Variants in FHIT observed in about 807,000 individuals in gnomAD.
FHIT encodes fragile histidine triad diadenosine triphosphatase.
Under a neutral mutation model 17.9 loss-of-function variants are expected in FHIT, and 19 were observed. The ratio of observed to expected loss-of-function variants is 1.06; its 90% CI spans 0.74 to 1.56. The LOEUF is 1.56. Ranked by LOEUF, FHIT falls within the 40% of genes most tolerant of loss-of-function variation. The pLI, the probability that FHIT is intolerant of heterozygous loss-of-function variation, is 0.00. For synonymous variants in FHIT, 81 were observed against 69.7 expected (o/e 1.16, Z -0.81); for missense variants, 248 against 189.2 (o/e 1.31, Z -1.82).
At chr3:60,295,186 G>A (rs1708153947) in intron 5 of FHIT, among the ~76,000 whole-genome samples, 1 of 152,056 alleles carries the variant, frequency 6.6e-6, no homozygotes, top group African/African-American at 2.4e-5. Context: ...GGAGTTTGAG[G>A]CTACAGTGGG....
chr3:60,370,990 A>T (rs570863792), intron 5 of FHIT, among the ~76,000 whole-genome samples: 1 of 152,216 alleles, frequency 6.6e-6, no homozygotes, highest in Non-Finnish European at 1.5e-5. Flanking sequence ...AAACCAGTTG[A>T]AATTGCTTGG....
In FHIT at chr3:60,084,846, C is replaced by CT. The variant is rs113455271; in HGVS notation, c.104-70695dup. On this transcript the variant is annotated intron_variant, in intron 5 of 9. Transcript: ENST00000492590. ...CCTTGGCTTTCTACATTGATAGTGACTTTTTTTTTTCTTTTTCACACTCTT... is the reference window on the plus strand; with the variant it reads ...CCTTGGCTTTCTACATTGATAGTGACTTTTTTTTTTTCTTTTTCACACTCTT... 1.2e-3 allele frequency among the ~76,000 whole-genome samples: 185 copies of CT among 149,896 alleles called. 1 individual carries two copies. Among genetic ancestry groups the CT allele is most frequent in the African/African-American group, 3.4e-3 (140 of 40,894 alleles).
At chr3:60,875,552 A>G in intron 3 of FHIT, among the ~76,000 whole-genome samples, 1 of 152,164 alleles carries the variant, frequency 6.6e-6, no homozygotes, top group East Asian at 1.9e-4. Context: ...TTTTTCACAT[A>G]TCATGAAAGT....
rs369216075 is a variant in FHIT at position 60,272,928 on chromosome 3, G to A, written c.104-258776C>T. 6.5e-4 allele frequency among the ~76,000 whole-genome samples: 99 copies of A among 152,312 alleles called. 1 individual carries two copies. The highest frequency in any genetic ancestry group is 6.8e-3 in the Middle Eastern group (2 of 294). ...GGCCTCCCTTGAGTTGGTCCTTGAA[G>A]GTGCTATCAAATTAACGTATGTCTA... On this transcript the variant is annotated intron_variant, in intron 5 of 9. Transcript: ENST00000492590.
chr3:60,431,274 G>A lies in FHIT; in HGVS notation c.103+105586C>T, dbSNP rs189720639. Among the ~76,000 whole-genome samples, 9 of 151,244 alleles carry A rather than the reference G, an allele frequency of 6.0e-5. No individual in the cohort carries two copies. The East Asian group carries it at 1.2e-3, about 20-fold the overall frequency. ...TCTATCCCTTACATGCAACATTCTT[G>A]CTCCATCATTTCTTTTTATGATGTT... On this transcript the variant is annotated intron_variant, in intron 5 of 9. Coordinates refer to ENST00000492590, the MANE Select transcript of FHIT (RefSeq NM_002012.4).
chr3:60,365,909 A>G lies in FHIT; in HGVS notation c.103+170951T>C, dbSNP rs776024231. On this transcript the variant is annotated intron_variant, in intron 5 of 9. Transcript: ENST00000492590. ...GATTAACAAACAGCTTGATCCATGC[A>G]GCATGTAACATTCATAGATGCTAAT... Among the ~76,000 whole-genome samples, 26 of 152,234 alleles carry G rather than the reference A, an allele frequency of 1.7e-4. 1 individual carries two copies. Among genetic ancestry groups the G allele is most frequent in the Admixed American group, 3.9e-4 (6 of 15,286 alleles).
chr3:61,012,245 C>T (rs541597072), intron 3 of FHIT, among the ~76,000 whole-genome samples: 92 of 152,102 alleles, frequency 6.0e-4, no homozygotes, highest in Non-Finnish European at 1.2e-3. Flanking sequence ...AATTAATGGG[C>T]ATTTGAGAAG....
chr3:60,030,440 A>T (rs9816955), intron 5 of FHIT, among the ~76,000 whole-genome samples: 1 of 152,110 alleles, frequency 6.6e-6, no homozygotes, highest in East Asian at 1.9e-4. Context: ...AGACCAGCAT[A>T]TGGAGCCCAG....
At chr3:60,358,458 A>C (rs6804914) in intron 5 of FHIT, among the ~76,000 whole-genome samples, 6,338 of 152,274 alleles carry the variant, frequency 0.042, 345 homozygotes, top group African/African-American at 0.13. Context: ...ATTCCTTCTG[A>C]ATTTGGCACA....
At chr3:60,129,369 A>C (rs1028384081) in intron 5 of FHIT, among the ~76,000 whole-genome samples, 2 of 152,008 alleles carry the variant, frequency 1.3e-5, no homozygotes, top group Admixed American at 1.3e-4. Flanking sequence ...AAAGCACATC[A>C]ATTTACATTT....
At chr3:60,055,006 G>C (rs1432356502) in intron 5 of FHIT, among the ~76,000 whole-genome samples, 1 of 152,094 alleles carries the variant, frequency 6.6e-6, no homozygotes, top group Admixed American at 6.6e-5. Context: ...TTTGTCTAGA[G>C]AGGACAGTTG....
chr3:60,862,995 A>T (rs1053878860), intron 3 of FHIT, among the ~76,000 whole-genome samples: 31 of 152,216 alleles, frequency 2.0e-4, no homozygotes, highest in African/African-American at 7.5e-4. Context: ...TTATCTGGGT[A>T]TGCCTACCCT....
chr3:60,165,483 C>G (rs747631335), intron 5 of FHIT, among the ~76,000 whole-genome samples: 2 of 152,166 alleles, frequency 1.3e-5, no homozygotes, highest in Non-Finnish European at 2.9e-5. Context: ...GGAATCCGTA[C>G]AGCTCATTGT....
At chr3:60,926,259 T>C (rs1226073535) in intron 3 of FHIT, among the ~76,000 whole-genome samples, 17 of 152,182 alleles carry the variant, frequency 1.1e-4, no homozygotes, top group Non-Finnish European at 2.1e-4. Flanking sequence ...ATACATTCTT[T>C]TCAGCACCAC....
At chr3:59,863,674 C>T (rs1034551261) in intron 8 of FHIT, among the ~76,000 whole-genome samples, 8 of 152,240 alleles carry the variant, frequency 5.3e-5, no homozygotes, top group East Asian at 3.9e-4. Context: ...AGATTATTAC[C>T]GTCATCCAGC....
intron 2 of FHIT, among the ~76,000 whole-genome samples, chr3:61,194,237 C>A (rs548885211): frequency 2.0e-5 from 3 of 152,110 alleles, no homozygotes; most frequent in African/African-American, 4.8e-5. Flanking sequence ...GTTTCTATGA[C>A]CCACCTTAGG....
rs183720602 is a variant in FHIT at position 60,241,320 on chromosome 3, G to A, written c.104-227168C>T. Among the ~76,000 whole-genome samples, 9 of 152,228 alleles carry A rather than the reference G, an allele frequency of 5.9e-5. No homozygotes were observed. In the East Asian group the frequency reaches 1.7e-3, roughly 29 times the overall value. On this transcript the variant is annotated intron_variant, in intron 5 of 9. Transcript: ENST00000492590. ...GAAAATTTATCAAATAAGATTGGATGTACAGACCCATTCTAAAGAGCATTC... is the reference window on the plus strand; with the variant it reads ...GAAAATTTATCAAATAAGATTGGATATACAGACCCATTCTAAAGAGCATTC...
intron 5 of FHIT, among the ~76,000 whole-genome samples, chr3:60,529,047 G>T (rs1298237631): frequency 6.6e-6 from 1 of 152,178 alleles, no homozygotes; most frequent in Non-Finnish European, 1.5e-5. Context: ...GCCTGTAGTA[G>T]AAATCTCACA....
intron 5 of FHIT, among the ~76,000 whole-genome samples, chr3:60,067,946 C>G (rs755462137): frequency 1.3e-5 from 2 of 152,134 alleles, no homozygotes; most frequent in Non-Finnish European, 2.9e-5. Flanking sequence ...TTCAACAAAT[C>G]ACTCAGGGGC....
Sources: allele counts gnomAD v4.1 joint callset (sites outside exome capture counted in the v4.1 genomes callset), GRCh38; gene constraint gnomAD v4.1.1; transcripts MANE v1.5; gene names NCBI Gene and HGNC (gene_info 2026-07-23, HGNC 2026-07-21).